CMTM4: variants seen among roughly 807,000 people sequenced by gnomAD.
CMTM4 encodes CKLF-like MARVEL transmembrane domain-containing protein 4.
Under a neutral mutation model 19.0 loss-of-function variants are expected in CMTM4, and 8 were observed. The ratio of observed to expected loss-of-function variants is 0.42; its 90% CI spans 0.25 to 0.76. CMTM4 has a LOEUF of 0.76. Among genes scored for constraint, CMTM4 ranks in the 30% least tolerant of loss-of-function variants. CMTM4 has a pLI of 0.27. For synonymous variants in CMTM4, 106 were observed against 121.1 expected (o/e 0.88, Z 0.82); for missense variants, 228 against 290.2 (o/e 0.79, Z 1.56).
In CMTM4 at chr16:66,670,253, C is replaced by A. The variant is rs1373911680; in HGVS notation, c.186+26087G>T. Among the ~76,000 whole-genome samples the A allele has an allele frequency of 7.3e-5, 11 of 150,408 alleles. No individual in the cohort carries two copies. The South Asian group carries it at 1.9e-3, about 26-fold the overall frequency. ...CCTGAGGTTAAGAGTTTGGGACCAG[C>A]CTGGCCAACATGGTGAAACCCCGTC... On this transcript the variant is annotated intron_variant, in intron 1 of 3. Coordinates refer to ENST00000394106, the MANE Select transcript of CMTM4 (RefSeq NM_181521.3).
chr16:66,672,265 T>C (rs2016721714), intron 1 of CMTM4, among the ~76,000 whole-genome samples: 1 of 150,732 alleles, frequency 6.6e-6, no homozygotes, highest in South Asian at 2.1e-4. Flanking sequence ...ATTAGCTGGG[T>C]GTGGCAGTGT....
chr16:66,637,911 T>C (rs534988910), intron 1 of CMTM4, among the ~76,000 whole-genome samples: 1 of 152,364 alleles, frequency 6.6e-6, no homozygotes, highest in South Asian at 2.1e-4. Context: ...GCAGAATCTC[T>C]GCTTCCTCCC....
intron 1 of CMTM4, among the ~76,000 whole-genome samples, chr16:66,668,956 C>T (rs2016654349): frequency 6.6e-6 from 1 of 152,296 alleles, no homozygotes; most frequent in Non-Finnish European, 1.5e-5. Context: ...GAAACACGTA[C>T]TCTATGACCC....
Position 66,696,531 on chromosome 16 carries a change from C to T in CMTM4, c.-6G>A. On this transcript the variant is annotated 5_prime_UTR_variant, in exon 1 of 4. Coordinates refer to ENST00000394106, the MANE Select transcript of CMTM4 (RefSeq NM_181521.3). This position sits in a 1 kb window ranked among gnomAD's most constrained non-coding sequence, Gnocchi z 4.3. ...AGCTCCTCGCCGCTCCGCATGCTGCCGCCCGGCCCGGGCCGCCTCGCGCGG... is the reference window on the plus strand; with the variant it reads ...AGCTCCTCGCCGCTCCGCATGCTGCTGCCCGGCCCGGGCCGCCTCGCGCGG... The T allele has an allele frequency of 8.4e-7, 1 of 1,190,300 alleles. No individual in the cohort carries two copies. Among genetic ancestry groups the T allele is most frequent in the East Asian group, 3.6e-5 (1 of 27,872 alleles). 73.7% of individuals were successfully genotyped at this position (1,190,300 alleles called of 1,614,324 possible).
At chr16:66,633,686 C>T (rs2015928034) in intron 2 of CMTM4, among the ~76,000 whole-genome samples, 1 of 151,932 alleles carries the variant, frequency 6.6e-6, no homozygotes, top group Non-Finnish European at 1.5e-5. Context: ...GGCACGGTGG[C>T]ACATGCCTGT....
At chr16:66,693,882 C>T (rs1161225958) in intron 1 of CMTM4, among the ~76,000 whole-genome samples, 1 of 152,004 alleles carries the variant, frequency 6.6e-6, no homozygotes, top group African/African-American at 2.4e-5. Flanking sequence ...ATTAGCTGGG[C>T]ATGGTGGTGT....
chr16:66,685,165 T>C (rs2017008909), intron 1 of CMTM4, among the ~76,000 whole-genome samples: 1 of 152,186 alleles, frequency 6.6e-6, no homozygotes, highest in Admixed American at 6.6e-5. Flanking sequence ...TTATATATGG[T>C]CTGATGAGGC....
downstream of CMTM4, chr16:66,611,004 G>C (rs772764811): frequency 1.5e-5 from 6 of 397,888 alleles, no homozygotes; most frequent in African/African-American, 2.1e-5. Context: ...GTTGCCCGCA[G>C]CAAGTGATCC....
chr16:66,601,279 A>G, the CMTM4 span, among the ~76,000 whole-genome samples: 1 of 152,138 alleles, frequency 6.6e-6, no homozygotes, highest in Non-Finnish European at 1.5e-5. Flanking sequence ...AAGTGGAGGG[A>G]GAACAAGTCA....
At chr16:66,693,895 G>A (rs991658586) in intron 1 of CMTM4, among the ~76,000 whole-genome samples, 11 of 152,082 alleles carry the variant, frequency 7.2e-5, no homozygotes, top group Non-Finnish European at 7.4e-5. Context: ...GGTGGTGTGC[G>A]TCTGTGGTCC....
intron 1 of CMTM4, among the ~76,000 whole-genome samples, chr16:66,683,160 C>CAT (rs2016955611): frequency 6.6e-5 from 5 of 75,546 alleles, no homozygotes; most frequent in Admixed American, 1.8e-4. Flanking sequence ...TATATATATA[C>CAT]GTATATATAT....
At position 66,621,213 on chromosome 16, in the gene CMTM4, C is replaced by T. The variant is rs911256684; in HGVS notation, c.*845G>A. 6 of 985,496 alleles carry T rather than the reference C, an allele frequency of 6.1e-6. No homozygotes were observed. The highest frequency in any genetic ancestry group is 1.1e-4 in the East Asian group (1 of 8,832). 61.0% of individuals were successfully genotyped at this position (985,496 alleles called of 1,614,324 possible). ...TTTTAACACAAACACCTCCCACCTG[C>T]GGTTCATGAAGCCAGCAAATGGGCA... On this transcript the variant is annotated 3_prime_UTR_variant, in exon 4 of 4. Transcript: ENST00000394106.
chr16:66,683,183 A>ACATG lies in CMTM4; in HGVS notation c.186+13156_186+13157insCATG, dbSNP rs1185060242. The stretch of plus-strand genomic sequence containing the variant: ...TACGTATATATATATATACATATGT[A>ACATG]TATATATATACATATATATATATAT... On this transcript the variant is annotated intron_variant, in intron 1 of 3. Transcript: ENST00000394106. Among the ~76,000 whole-genome samples, 5 of 90,670 alleles carry ACATG rather than the reference A, an allele frequency of 5.5e-5. No homozygotes were observed. The Admixed American group carries it at 6.9e-4, about 12-fold the overall frequency. The allele number at this position is 90,670 out of a possible 152,430, so 59.5% of individuals were successfully genotyped here. A position where few individuals can be genotyped will look rare whatever the true frequency, so the allele number is the denominator to read the frequency against.
chr16:66,623,160 C>T (rs771828224), intron 3 of CMTM4, among the ~76,000 whole-genome samples: 14 of 152,252 alleles, frequency 9.2e-5, no homozygotes, highest in Non-Finnish European at 1.8e-4. Flanking sequence ...ACTTCAAATA[C>T]ATTTCTGACT....
At chr16:66,603,020 A>G in the CMTM4 span, among the ~76,000 whole-genome samples, 111 of 152,314 alleles carry the variant, frequency 7.3e-4, 1 homozygote, top group African/African-American at 2.5e-3. Context: ...ATCAAGAGAA[A>G]AAGAGATAGG....
intron 2 of CMTM4, among the ~76,000 whole-genome samples, chr16:66,627,809 G>T (rs571936584): frequency 1.3e-5 from 2 of 152,294 alleles, no homozygotes; most frequent in Admixed American, 1.3e-4. Context: ...GTAAGACACA[G>T]AGACAAAGCA....
At chr16:66,660,235 A>G (rs1025848446) in intron 1 of CMTM4, among the ~76,000 whole-genome samples, 1 of 152,086 alleles carries the variant, frequency 6.6e-6, no homozygotes, top group Non-Finnish European at 1.5e-5. Flanking sequence ...AAAAAAAGAA[A>G]AAATTAGCCA....
the CMTM4 span, chr16:66,604,941 C>T: frequency 1.3e-6 from 2 of 1,503,248 alleles, no homozygotes; most frequent in African/African-American, 2.9e-5. Context: ...CCGCCTCCTG[C>T]TGGCCGAGTC....
intron 1 of CMTM4, among the ~76,000 whole-genome samples, chr16:66,663,811 G>A (rs1180380176): frequency 6.6e-6 from 1 of 151,926 alleles, no homozygotes; most frequent in African/African-American, 2.4e-5. Flanking sequence ...AAAGTGCTGG[G>A]ATCACAGGTG....
Sources: allele counts gnomAD v4.1 joint callset (sites outside exome capture counted in the v4.1 genomes callset), GRCh38; gene constraint gnomAD v4.1.1; non-coding constraint Gnocchi (gnomAD v3.1); transcripts MANE v1.5; gene names NCBI Gene and HGNC (gene_info 2026-07-23, HGNC 2026-07-21).